AGAP1: variants seen among roughly 807,000 people sequenced by gnomAD.
AGAP1 encodes ArfGAP with GTPase domain, ankyrin repeat and PH domain 1, also known as arf-GAP with GTPase, ANK repeat and PH domain-containing protein 1.
A neutral mutation model predicts 105.3 loss-of-function variants in AGAP1; 29 were observed. The observed-to-expected ratio is 0.28, with a 90% CI of 0.21 to 0.38. The LOEUF (loss-of-function observed/expected upper bound fraction) is 0.38, where lower values mean the gene tolerates loss of function less well. Among genes scored for constraint, AGAP1 ranks in the 10% least tolerant of loss-of-function variants. AGAP1 has a pLI of 1.00. For missense variants in AGAP1, 998 were observed against 1,165.1 expected, an observed-to-expected ratio of 0.86 and a Z score of 2.09; for synonymous variants, 509 against 485.9, an observed-to-expected ratio of 1.05 and a Z score of -0.63.
At position 235,879,661 on chromosome 2, in the gene AGAP1, A is replaced by G. The variant is rs2049912090; in HGVS notation, c.1051-3684A>G. ...AGACCTAAGCGAGGCATGGTGGCTC[A>G]CTCCCCTGTTACCCCAGCACTTCTG... is the stretch of plus-strand genomic sequence containing the variant. On this transcript the variant is annotated intron_variant, in intron 9 of 17. Coordinates refer to ENST00000304032, the MANE Select transcript of AGAP1 (RefSeq NM_001037131.3). This position sits in a 1 kb window ranked among gnomAD's most constrained non-coding sequence, Gnocchi z 5.0. Among the ~76,000 whole-genome samples the G allele has an allele frequency of 6.6e-6, 1 of 151,744 alleles. No individual in the cohort carries two copies.
At chr2:235,918,201 C>T (rs940273576) in intron 11 of AGAP1, among the ~76,000 whole-genome samples, 2 of 152,190 alleles carry the variant, frequency 1.3e-5, no homozygotes, top group Non-Finnish European at 2.9e-5. Context: ...TTGGTTACAA[C>T]ATATAAATTG....
intron 9 of AGAP1, among the ~76,000 whole-genome samples, chr2:235,809,957 T>C (rs940021287): frequency 1.5e-4 from 23 of 152,190 alleles, no homozygotes; most frequent in African/African-American, 5.5e-4. Context: ...GTTCTCCTTA[T>C]TTTAAACACA....
At position 236,001,257 on chromosome 2, in the gene AGAP1, G is replaced by T. The variant is rs1576021667; in HGVS notation, c.1645+32634G>T. ...GTCCTCCGGGGAGCCTTCATGGGGA[G>T]CCCTGGCATGGCCTTCAGGCCTCCG... On this transcript the variant is annotated intron_variant, in intron 13 of 17. Coordinates refer to ENST00000304032, the MANE Select transcript of AGAP1 (RefSeq NM_001037131.3). The surrounding 1 kb of genome is among the most constrained non-coding windows in gnomAD (Gnocchi z 4.7). Among the ~76,000 whole-genome samples, 1 of 152,328 alleles carries T rather than the reference G, an allele frequency of 6.6e-6. No individual in the cohort carries two copies. The highest frequency in any genetic ancestry group is 1.9e-4 in the East Asian group (1 of 5,174).
At position 235,553,065 on chromosome 2, in the gene AGAP1, A is replaced by G. The variant is rs997749481; in HGVS notation, c.163+58216A>G. Among the ~76,000 whole-genome samples the G allele has an allele frequency of 6.6e-6, 1 of 152,186 alleles. No homozygotes were observed. Among genetic ancestry groups the G allele is most frequent in the African/African-American group, 2.4e-5 (1 of 41,436 alleles). On this transcript the variant is annotated intron_variant, in intron 1 of 17. Transcript: ENST00000304032. The surrounding 1 kb of genome is among the most constrained non-coding windows in gnomAD (Gnocchi z 4.5). Reference sequence around the variant, plus strand: ...TTCCTCTGAGCCTCTGCTTTATTTCATCTGCAAGTAGCATTAATACTATAA... The same window carrying G: ...TTCCTCTGAGCCTCTGCTTTATTTCGTCTGCAAGTAGCATTAATACTATAA...
At chr2:235,617,650 C>G (rs1263695333) in intron 1 of AGAP1, among the ~76,000 whole-genome samples, 1 of 152,050 alleles carries the variant, frequency 6.6e-6, no homozygotes, top group Non-Finnish European at 1.5e-5. Flanking sequence ...TGCAGTGAGC[C>G]GAGATCCCGC....
intron 9 of AGAP1, among the ~76,000 whole-genome samples, chr2:235,836,901 G>A (rs914871233): frequency 6.6e-6 from 1 of 152,086 alleles, no homozygotes; most frequent in Non-Finnish European, 1.5e-5. Context: ...AACTTTCTAG[G>A]TGATTCACAA....
At chr2:235,984,577 G>T (rs190224745) in intron 13 of AGAP1, among the ~76,000 whole-genome samples, 2 of 149,462 alleles carry the variant, frequency 1.3e-5, no homozygotes, top group Admixed American at 1.3e-4. Context: ...GGCACCTATT[G>T]ACCCATTTCT....
In AGAP1 at chr2:236,051,132, T is replaced by A. The variant is rs1392444293; in HGVS notation, c.2114+1851T>A. On this transcript the variant is annotated intron_variant, in intron 16 of 17. Coordinates refer to ENST00000304032, the MANE Select transcript of AGAP1 (RefSeq NM_001037131.3). The surrounding 1 kb of genome is among the most constrained non-coding windows in gnomAD (Gnocchi z 5.9). ...AGAGCAGGCCGAGTTGTAATTCCTC[T>A]CCAAGACTGTGGTGTTGGTGATGTG... Among the ~76,000 whole-genome samples the A allele has an allele frequency of 2.6e-5, 4 of 152,196 alleles. No homozygotes were observed. Among genetic ancestry groups the A allele is most frequent in the African/African-American group, 9.7e-5 (4 of 41,450 alleles).
chr2:235,940,529 G>A (rs1366660648), intron 12 of AGAP1, among the ~76,000 whole-genome samples: 1 of 152,212 alleles, frequency 6.6e-6, no homozygotes, highest in Non-Finnish European at 1.5e-5. Flanking sequence ...CCACCAGATA[G>A]TTCAGGCTTC....
intron 1 of AGAP1, among the ~76,000 whole-genome samples, chr2:235,646,436 G>A (rs1342841116): frequency 6.6e-6 from 1 of 152,124 alleles, no homozygotes; most frequent in Non-Finnish European, 1.5e-5. Flanking sequence ...AGCAAGACTT[G>A]AAATGCAACA....
At position 235,893,124 on chromosome 2, in the gene AGAP1, C is replaced by T. The variant is rs6759988; in HGVS notation, c.1155+9675C>T. Among the ~76,000 whole-genome samples the T allele has an allele frequency of 0.017, 2,456 of 147,782 alleles. 74 individuals carry two copies. Among genetic ancestry groups the T allele is most frequent in the African/African-American group, 0.057 (2,288 of 39,854 alleles). ...GGTGTGCTGTGTCCTCATAAGGGTG[C>T]GCCATGTCTGTGGCGTAGTGTGCAC... On this transcript the variant is annotated intron_variant, in intron 10 of 17. Transcript: ENST00000304032. This position sits in a 1 kb window ranked among gnomAD's most constrained non-coding sequence, Gnocchi z 4.7.
chr2:235,824,184 C>G lies in AGAP1; in HGVS notation c.1050+16853C>G, dbSNP rs1958948780. Among the ~76,000 whole-genome samples, 1 of 152,242 alleles carries G rather than the reference C, an allele frequency of 6.6e-6. No individual in the cohort carries two copies. ...CTAAATAGCGCCAACGCTGAGGGGT[C>G]TTCGATTGGTGGCACCCGTGTTCCA... On this transcript the variant is annotated intron_variant, in intron 9 of 17. Coordinates refer to ENST00000304032, the MANE Select transcript of AGAP1 (RefSeq NM_001037131.3). The surrounding 1 kb of genome is among the most constrained non-coding windows in gnomAD (Gnocchi z 5.2).
chr2:236,120,150 C>G lies in AGAP1; in HGVS notation c.2115-42C>G. ...GGCAGGGGCTGGCAGCCTGTGTTCTCGGGCCTGATCGTGACTGCACCTGTC... is the reference window on the plus strand; with the variant it reads ...GGCAGGGGCTGGCAGCCTGTGTTCTGGGGCCTGATCGTGACTGCACCTGTC... On this transcript the variant is annotated intron_variant, in intron 16 of 17. Coordinates refer to ENST00000304032, the MANE Select transcript of AGAP1 (RefSeq NM_001037131.3). The surrounding 1 kb of genome is among the most constrained non-coding windows in gnomAD (Gnocchi z 6.0). 3.8e-6 allele frequency: 6 copies of G among 1,576,612 alleles called. No homozygotes were observed. The highest frequency in any genetic ancestry group is 5.2e-6 in the Non-Finnish European group (6 of 1,159,330).
Position 235,729,573 on chromosome 2 carries a change from G to T in AGAP1, c.311-11390G>T, listed in dbSNP as rs1951832082. Among the ~76,000 whole-genome samples the T allele has an allele frequency of 6.6e-6, 1 of 152,138 alleles. No individual in the cohort carries two copies. The highest frequency in any genetic ancestry group is 1.5e-5 in the Non-Finnish European group (1 of 68,040). On this transcript the variant is annotated intron_variant, in intron 3 of 17. Transcript: ENST00000304032. This position sits in a 1 kb window ranked among gnomAD's most constrained non-coding sequence, Gnocchi z 5.0. ...CCGGGTCTTGGTGCTTTCCAGCTCA[G>T]GGCGTTGGTCCACTTGGTTATTCTT...
intron 1 of AGAP1, among the ~76,000 whole-genome samples, chr2:235,592,047 TTCC>T (rs1194143257): frequency 1.3e-5 from 2 of 152,206 alleles, no homozygotes; most frequent in African/African-American, 4.8e-5. Context: ...GCCTCAGGCA[TTCC>T]TTTATAGCAA....
chr2:235,544,703 T>C, intron 1 of AGAP1, among the ~76,000 whole-genome samples: 1 of 152,182 alleles, frequency 6.6e-6, no homozygotes, highest in East Asian at 1.9e-4. Flanking sequence ...CCAAAACCAA[T>C]GCTGCCTCTC....
intron 9 of AGAP1, among the ~76,000 whole-genome samples, chr2:235,814,142 G>T (rs1201357975): frequency 6.6e-6 from 1 of 152,198 alleles, no homozygotes; most frequent in African/African-American, 2.4e-5. Flanking sequence ...CTTGGAAAAT[G>T]CAGTGTTTGG....
chr2:236,045,597 G>A lies in AGAP1; in HGVS notation c.1892-3462G>A, dbSNP rs7569418. ...GAGGGCCTGGAGAGCAGGCAGGGCCGCCCTGGGGCTGTGGGACCAGCGGGG... is the reference window on the plus strand; with the variant it reads ...GAGGGCCTGGAGAGCAGGCAGGGCCACCCTGGGGCTGTGGGACCAGCGGGG... On this transcript the variant is annotated intron_variant, in intron 15 of 17. Transcript: ENST00000304032. The surrounding 1 kb of genome is among the most constrained non-coding windows in gnomAD (Gnocchi z 6.9). Among the ~76,000 whole-genome samples, 7,604 of 152,276 alleles carry A rather than the reference G, an allele frequency of 0.05. 611 individuals are homozygous for A. Among genetic ancestry groups the A allele is most frequent in the African/African-American group, 0.17 (7,145 of 41,524 alleles).
At chr2:235,923,052 C>T (rs143305226) in intron 11 of AGAP1, among the ~76,000 whole-genome samples, 195 of 152,330 alleles carry the variant, frequency 1.3e-3, no homozygotes, top group African/African-American at 4.5e-3. Context: ...GTAATGCAGT[C>T]ACCCCCTGCT....
Sources: allele counts gnomAD v4.1 joint callset (sites outside exome capture counted in the v4.1 genomes callset), GRCh38; gene constraint gnomAD v4.1.1; non-coding constraint Gnocchi (gnomAD v3.1); transcripts MANE v1.5; gene names NCBI Gene and HGNC (gene_info 2026-07-23, HGNC 2026-07-21).